CEP290: variants seen among roughly 807,000 people sequenced by gnomAD.
CEP290 encodes the protein centrosomal protein of 290 kDa.
A neutral mutation model predicts 344.9 loss-of-function variants in CEP290; 317 were observed. The ratio of observed to expected loss-of-function variants is 0.92; its 90% CI spans 0.84 to 1.01. The LOEUF (loss-of-function observed/expected upper bound fraction) is 1.01. Ranked by LOEUF, CEP290 falls within the 50% of genes least tolerant of loss-of-function variation. The pLI is 0.00. For synonymous variants in CEP290, 932 were observed against 895.8 expected (o/e 1.04, Z -0.72); for missense variants, 2,754 against 2,761.4 (o/e 1.00, Z 0.06).
At chr12:88,101,198 G>A (rs1190240190) in intron 26 of CEP290, among the ~76,000 whole-genome samples, 1 of 151,858 alleles carries the variant, frequency 6.6e-6, no homozygotes, top group Non-Finnish European at 1.5e-5. Flanking sequence ...AATTACAACT[G>A]GGGCCAGGTG....
At chr12:88,133,086 T>C (rs2040171096) in intron 6 of CEP290, among the ~76,000 whole-genome samples, 1 of 150,170 alleles carries the variant, frequency 6.7e-6, no homozygotes, top group Non-Finnish European at 1.5e-5. Context: ...TTTTTTTTTT[T>C]TTTTTTTGAG....
chr12:88,105,083 C>T (rs765085165), intron 25 of CEP290, among the ~76,000 whole-genome samples: 1 of 152,084 alleles, frequency 6.6e-6, no homozygotes, highest in Non-Finnish European at 1.5e-5. Context: ...TATCTAAATG[C>T]CTTCCCCACT....
At position 88,053,765 on chromosome 12, in the gene CEP290, G is replaced by A. The variant is rs1010286620; in HGVS notation, c.7035-19C>T. ...AGCTAATCTAGAACACAATGATAAT[G>A]TGTTAAAAAAATAAAGCAGATATTG... is the stretch of plus-strand genomic sequence containing the variant. On this transcript the variant is annotated intron_variant, in intron 51 of 53. Transcript: ENST00000552810. 2 of 1,302,222 alleles carry A rather than the reference G, an allele frequency of 1.5e-6. No individual in the cohort carries two copies. The highest frequency in any genetic ancestry group is 1.1e-6 in the Non-Finnish European group (1 of 940,982). 80.7% of individuals were successfully genotyped at this position (1,302,222 alleles called of 1,614,324 possible). A position where few individuals can be genotyped will look rare whatever the true frequency, so the allele number is the denominator to read the frequency against.
intron 37 of CEP290, among the ~76,000 whole-genome samples, chr12:88,082,374 AG>A (rs1182413997): frequency 6.6e-6 from 1 of 152,220 alleles, no homozygotes; most frequent in African/African-American, 2.4e-5. Flanking sequence ...TGAAAGGGCC[AG>A]GGTAAGTATT....
intron 43 of CEP290, among the ~76,000 whole-genome samples, chr12:88,070,026 A>G (rs1472625879): frequency 6.6e-6 from 1 of 152,208 alleles, no homozygotes; most frequent in African/African-American, 2.4e-5. Flanking sequence ...ATGTTAACAC[A>G]TGATTTTATT....
rs1044211267 is a variant in CEP290 at position 88,080,216 on chromosome 12, T to G, written c.5192A>C (p.Lys1731Thr). The change falls in exon 38 of 54, where the codon AAG becomes ACG. Residue 1731 changes from lysine to threonine, a missense_variant. By Grantham distance (78) the Lys-to-Thr change is moderately conservative. Transcript: ENST00000552810. ...TTMRNLVERL[K>T]SQLALKEKQQ... ...TTTCTCCTTCAAGGCTAATTGGCTC[T>G]TTAGCCGTTCTACTAGATTTCTCAT... 12 of 1,611,866 alleles carry G rather than the reference T, an allele frequency of 7.4e-6. No homozygotes were observed. The African/African-American group carries it at 1.2e-4, about 16-fold the overall frequency.
intron 7 of CEP290, 58 bp downstream of exon 7, chr12:88,131,107 A>C (rs2040038851): frequency 7.9e-7 from 1 of 1,265,562 alleles, no homozygotes; most frequent in South Asian, 1.6e-5. Context: ...ATGTAAACTT[A>C]GGTACTTATT....
At chr12:88,132,786 C>T (rs906832223) in intron 6 of CEP290, among the ~76,000 whole-genome samples, 1 of 152,122 alleles carries the variant, frequency 6.6e-6, no homozygotes, top group African/African-American at 2.4e-5. Context: ...AGGTTTGTTA[C>T]TTAGGTAAAT....
At position 88,077,364 on chromosome 12, in the gene CEP290, T is replaced by C. The variant is rs1193138558; in HGVS notation, c.5587-20A>G. On this transcript the variant is annotated intron_variant, in intron 40 of 53. Transcript: ENST00000552810. Reference sequence around the variant, plus strand: ...TTTGCCCTAAAAAATAAAATGTAACTTTATATTTTTACAAATAAATGTAAA... The same window carrying C: ...TTTGCCCTAAAAAATAAAATGTAACCTTATATTTTTACAAATAAATGTAAA... 2.2e-6 allele frequency: 3 copies of C among 1,378,414 alleles called. No individual in the cohort carries two copies. The highest frequency in any genetic ancestry group is 2.9e-6 in the Non-Finnish European group (3 of 1,028,476). The allele number at this position is 1,378,414 out of a possible 1,614,324, so 85.4% of individuals were successfully genotyped here.
At position 88,071,394 on chromosome 12, in the gene CEP290, C is replaced by G. The variant is rs2035364656; in HGVS notation, c.5911G>C (p.Val1971Leu). The change falls in exon 43 of 54, where the codon GTT becomes CTT. Residue 1971 changes from valine to leucine, a missense_variant. Coordinates refer to ENST00000552810, the MANE Select transcript of CEP290 (RefSeq NM_025114.4). The stretch of plus-strand genomic sequence containing the variant: ...GCTCGTATTCCCAAAACCTGATCAA[C>G]AGTCATGCCAGTTGTTTTTAGTTTC... ...QRKLKTTGMT[V>L]DQVLGIRALE... is the part of the protein sequence containing the mutation. 1 of 1,611,818 alleles carries G rather than the reference C, an allele frequency of 6.2e-7. No individual in the cohort carries two copies. The highest frequency in any genetic ancestry group is 8.5e-7 in the Non-Finnish European group (1 of 1,178,874).
At chr12:88,135,399 G>T (rs985212604) in intron 6 of CEP290, among the ~76,000 whole-genome samples, 3 of 152,084 alleles carry the variant, frequency 2.0e-5, no homozygotes, top group Non-Finnish European at 4.4e-5. Context: ...CTATATAGAA[G>T]AACAAAAGTC....
At chr12:88,110,549 A>G (rs1396205938) in intron 22 of CEP290, among the ~76,000 whole-genome samples, 2 of 150,522 alleles carry the variant, frequency 1.3e-5, no homozygotes, top group Non-Finnish European at 3.0e-5. Context: ...CATCTCTACT[A>G]AAAAAAAATA....
At chr12:88,115,991 T>C in intron 18 of CEP290, 8 of 985,150 alleles carry the variant, frequency 8.1e-6, no homozygotes, top group Non-Finnish European at 9.6e-6. Context: ...GTTCTTCTTC[T>C]AATGTTGCTA....
At chr12:88,100,903 C>G (rs1348579550) in intron 26 of CEP290, among the ~76,000 whole-genome samples, 1 of 152,116 alleles carries the variant, frequency 6.6e-6, no homozygotes, top group African/African-American at 2.4e-5. Flanking sequence ...TAAGAAAGAA[C>G]ACTGTGGTCA....
intron 44 of CEP290, among the ~76,000 whole-genome samples, chr12:88,066,196 G>T (rs1419128027): frequency 1.3e-5 from 2 of 152,186 alleles, no homozygotes; most frequent in African/African-American, 4.8e-5. Flanking sequence ...TAAATGCTAT[G>T]AACAAACTTT....
At chr12:88,082,027 CATTTGAATA>C (rs1367430647) in intron 37 of CEP290, among the ~76,000 whole-genome samples, 3 of 152,108 alleles carry the variant, frequency 2.0e-5, no homozygotes, top group African/African-American at 7.2e-5. Flanking sequence ...CTGTCAGAGG[CATTTGAATA>C]AGTGAGTAAA....
At position 88,106,977 on chromosome 12, in the gene CEP290, T is replaced by A. The variant is rs772054256; in HGVS notation, c.2586+19A>T. The A allele has an allele frequency of 3.3e-6, 5 of 1,535,072 alleles. No individual in the cohort carries two copies. The highest frequency in any genetic ancestry group is 2.1e-5 in the Admixed American group (1 of 48,776). On this transcript the variant is annotated intron_variant, in intron 24 of 53. Transcript: ENST00000552810. ...CTTTGTACAATATTGCATACTAATG[T>A]TAAAAATGTTTTACTTACATTATAT...
chr12:88,122,641 A>T (rs2137949901), intron 13 of CEP290, among the ~76,000 whole-genome samples: 1 of 152,242 alleles, frequency 6.6e-6, no homozygotes, highest in Non-Finnish European at 1.5e-5. Flanking sequence ...GTTATCAGAT[A>T]AGTCCTTTTC....
rs757609119 is a variant in CEP290 at position 88,077,847 on chromosome 12, TTC to T, written c.5434_5435del (p.Glu1812LysfsTer5). The part of the protein sequence containing the change: ...KEALKTSKNR[E>X]NSLTDNLNDL... ...CATTCAAATTATCAGTTAGTGAGTT[TTC>T]TCTGTTTTTACTTGTTTTAAGTGCT... On this transcript the variant is annotated frameshift_variant, in exon 40 of 54. Transcript: ENST00000552810. LOFTEE classifies it high-confidence loss of function. The T allele has an allele frequency of 1.9e-5, 28 of 1,478,266 alleles. No homozygotes were observed. The highest frequency in any genetic ancestry group is 2.3e-5 in the East Asian group (1 of 43,124). 91.6% of individuals were successfully genotyped at this position (1,478,266 alleles called of 1,614,324 possible).
Sources: allele counts gnomAD v4.1 joint callset (sites outside exome capture counted in the v4.1 genomes callset), GRCh38; gene constraint gnomAD v4.1.1; transcripts MANE v1.5; gene names NCBI Gene and HGNC (gene_info 2026-07-23, HGNC 2026-07-21).